The following SHB variants were observed in gnomAD, a reference collection of about 807,000 sequenced individuals.
The protein encoded by SHB is SH2 domain-containing adapter protein B.
SHB carries 20 observed loss-of-function variants against 52.3 expected under a neutral mutation model. The observed-to-expected ratio is 0.38, with a 90% CI of 0.27 to 0.56. The LOEUF (loss-of-function observed/expected upper bound fraction) is 0.56, where lower values mean the gene tolerates loss of function less well. SHB is among the 20% of genes least tolerant of loss of function. The probability of loss-of-function intolerance (pLI) is 0.71; values close to 1 mark genes in which losing one functional copy is unlikely to be tolerated. For missense variants in SHB, 825 were observed against 723.3 expected, an observed-to-expected ratio of 1.14 and a Z score of -1.61; for synonymous variants, 397 against 316.5, an observed-to-expected ratio of 1.25 and a Z score of -2.70.
chr9:37,965,331 C>G, intron 3 of SHB, among the ~76,000 whole-genome samples: 1 of 152,220 alleles, frequency 6.6e-6, no homozygotes, highest in East Asian at 1.9e-4. Context: ...AATCCTCAGA[C>G]AGGCAGGGAC....
chr9:37,975,975 C>T (rs780329051), intron 2 of SHB, among the ~76,000 whole-genome samples: 45 of 152,350 alleles, frequency 3.0e-4, no homozygotes, highest in Non-Finnish European at 5.7e-4. Flanking sequence ...AAAGAACGTG[C>T]TTGCTGCCTA....
chr9:37,997,332 G>A (rs571520301), intron 2 of SHB, among the ~76,000 whole-genome samples: 14 of 152,274 alleles, frequency 9.2e-5, no homozygotes, highest in African/African-American at 2.6e-4. Context: ...TGGGTCCCCA[G>A]AGCCACTAGC....
chr9:37,923,907 G>A (rs933622127), intron 5 of SHB, among the ~76,000 whole-genome samples: 1 of 152,216 alleles, frequency 6.6e-6, no homozygotes, highest in African/African-American at 2.4e-5. Context: ...CGAGCCAGCT[G>A]AGCCGGGCTC....
intron 1 of SHB, among the ~76,000 whole-genome samples, chr9:38,043,655 C>T (rs375475781): frequency 1.1e-4 from 17 of 152,180 alleles, no homozygotes; most frequent in East Asian, 3.9e-4. Flanking sequence ...TTTGGGAGGC[C>T]GAGGCGGGGG....
At chr9:37,971,635 C>T (rs376711283) in intron 3 of SHB, among the ~76,000 whole-genome samples, 4 of 152,296 alleles carry the variant, frequency 2.6e-5, no homozygotes, top group South Asian at 4.1e-4. Context: ...GGCCAGTGAC[C>T]GGATGAGACA....
At chr9:38,067,800 C>G (rs765979652) in intron 1 of SHB, 129 bp downstream of exon 1, 1 of 1,062,104 alleles carries the variant, frequency 9.4e-7, no homozygotes, top group Non-Finnish European at 1.3e-6. Context: ...GGAAGCAGCA[C>G]GCCAGCCCCG....
intron 2 of SHB, among the ~76,000 whole-genome samples, chr9:38,008,900 T>C (rs1156420753): frequency 6.6e-6 from 1 of 152,060 alleles, no homozygotes; most frequent in African/African-American, 2.4e-5. Context: ...GGCAAGTGTG[T>C]GGACATCCTG....
At chr9:37,959,504 A>C (rs1407292481) in intron 3 of SHB, among the ~76,000 whole-genome samples, 2 of 152,268 alleles carry the variant, frequency 1.3e-5, no homozygotes, top group South Asian at 4.2e-4. Flanking sequence ...GGACCAGATG[A>C]ATTATAAGTC....
chr9:38,013,001 C>T (rs1026506025), intron 2 of SHB, among the ~76,000 whole-genome samples: 2 of 151,898 alleles, frequency 1.3e-5, no homozygotes, highest in Non-Finnish European at 2.9e-5. Flanking sequence ...GATGGCTCAT[C>T]CTACCCATAT....
intron 2 of SHB, among the ~76,000 whole-genome samples, chr9:37,987,721 G>T (rs1005316737): frequency 6.6e-6 from 1 of 152,178 alleles, no homozygotes; most frequent in South Asian, 2.1e-4. Flanking sequence ...TGGTTGGGGG[G>T]CCTGGGAGGA....
intron 3 of SHB, among the ~76,000 whole-genome samples, chr9:37,968,303 T>C (rs886583563): frequency 6.6e-6 from 1 of 152,174 alleles, no homozygotes; most frequent in African/African-American, 2.4e-5. Context: ...ATAAGTAAAC[T>C]AAGGCTCAGG....
intron 2 of SHB, among the ~76,000 whole-genome samples, chr9:38,010,003 G>A (rs926620863): frequency 1.3e-5 from 2 of 152,230 alleles, no homozygotes; most frequent in East Asian, 1.9e-4. Flanking sequence ...GATGCCAGAG[G>A]AAGGGTTAGT....
intron 3 of SHB, among the ~76,000 whole-genome samples, chr9:37,966,942 G>A (rs1820534115): frequency 6.6e-6 from 1 of 152,210 alleles, no homozygotes; most frequent in African/African-American, 2.4e-5. Context: ...AGGGCAACAT[G>A]GTATGGGTGC....
chr9:38,000,495 C>A (rs1370420684), intron 2 of SHB, among the ~76,000 whole-genome samples: 1 of 152,246 alleles, frequency 6.6e-6, no homozygotes, highest in Non-Finnish European at 1.5e-5. Context: ...TTCACCTTGA[C>A]CCAATGTGGT....
At chr9:37,973,120 C>T (rs933246764) in intron 3 of SHB, among the ~76,000 whole-genome samples, 5 of 152,228 alleles carry the variant, frequency 3.3e-5, no homozygotes, top group Non-Finnish European at 7.3e-5. Context: ...AGAGGCTACA[C>T]AACATTCCAA....
In SHB at chr9:38,003,309, C is replaced by G. The variant is rs913084761; in HGVS notation, c.838+12702G>C. ...CCTTGGGTTCTGTCCTAGGCTGAGG[C>G]CTCTACTTCCTTCCAACTCCACCCT... is the stretch of plus-strand genomic sequence containing the variant. On this transcript the variant is annotated intron_variant, in intron 2 of 5. Coordinates refer to ENST00000377707, the MANE Select transcript of SHB (RefSeq NM_003028.3). 4.6e-5 allele frequency among the ~76,000 whole-genome samples: 7 copies of G among 151,928 alleles called. No individual in the cohort carries two copies. In the South Asian group the frequency reaches 6.2e-4, roughly 14 times the overall value.
At position 37,918,341 on chromosome 9, in the gene SHB, T is replaced by G. The variant is rs1017023096; in HGVS notation, c.*1480A>C. ...TGGCCTGTGTGGGAGGACCCTGCTA[T>G]GGCAAGCAAGAGAGAGGTCGCGTGT... On this transcript the variant is annotated 3_prime_UTR_variant, in exon 6 of 6. Coordinates refer to ENST00000377707, the MANE Select transcript of SHB (RefSeq NM_003028.3). Among the ~76,000 whole-genome samples, 1 of 152,020 alleles carries G rather than the reference T, an allele frequency of 6.6e-6. No homozygotes were observed. Among genetic ancestry groups the G allele is most frequent in the Non-Finnish European group, 1.5e-5 (1 of 68,022 alleles).
At chr9:37,977,672 CAAACT>C (rs1820671895) in intron 2 of SHB, among the ~76,000 whole-genome samples, 1 of 152,174 alleles carries the variant, frequency 6.6e-6, no homozygotes, top group Admixed American at 6.5e-5. Flanking sequence ...CTAAATCTAC[CAAACT>C]AATCTGCAAC....
intron 2 of SHB, among the ~76,000 whole-genome samples, chr9:37,983,855 C>A (rs945769289): frequency 3.3e-5 from 5 of 152,192 alleles, no homozygotes; most frequent in Non-Finnish European, 7.3e-5. Flanking sequence ...GATGCACTTG[C>A]CACTTAGCGG....
Sources: gnomAD v4.1 joint callset for allele counts (sites outside exome capture counted in the v4.1 genomes callset) on GRCh38, gnomAD v4.1.1 for gene constraint, MANE v1.5 for transcripts, NCBI Gene and HGNC (gene_info 2026-07-23, HGNC 2026-07-21) for gene names.